TOP1: variants seen among roughly 807,000 people sequenced by gnomAD.
TOP1 encodes DNA topoisomerase I.
Under a neutral mutation model 111.1 loss-of-function variants are expected in TOP1, and 10 were observed. The ratio of observed to expected loss-of-function variants is 0.09; its 90% confidence interval spans 0.06 to 0.15. The LOEUF (loss-of-function observed/expected upper bound fraction) is 0.15, where lower values mean the gene tolerates loss of function less well. Ranked by LOEUF, TOP1 falls within the 10% of genes least tolerant of loss-of-function variation. The pLI, the probability that TOP1 is intolerant of heterozygous loss-of-function variation, is 1.00. For synonymous variants in TOP1, 271 were observed against 302.9 expected, an observed-to-expected ratio of 0.89 and a Z score of 1.10; for missense variants, 474 against 926.7, an observed-to-expected ratio of 0.51 and a Z score of 6.34.
At position 41,079,509 on chromosome 20, in the gene TOP1, A is replaced by C. The variant is rs1433640795; in HGVS notation, c.336-576A>C. 6.6e-6 allele frequency among the ~76,000 whole-genome samples: 1 copy of C among 152,236 alleles called. No individual in the cohort carries two copies. The highest frequency in any genetic ancestry group is 1.9e-4 in the East Asian group (1 of 5,202). On this transcript the variant is annotated intron_variant, in intron 5 of 20. Coordinates refer to ENST00000361337, the MANE Select transcript of TOP1 (RefSeq NM_003286.4). The surrounding 1 kb of genome is among the most constrained non-coding windows in gnomAD (Gnocchi z 4.0). ...ACGTTGAACAATGAATAGATTTGGC[A>C]TAGGATACCTTCTGTTTATTCTGGT...
chr20:41,049,463 C>T (rs1406198260), intron 2 of TOP1, among the ~76,000 whole-genome samples: 1 of 152,206 alleles, frequency 6.6e-6, no homozygotes, highest in African/African-American at 2.4e-5. Context: ...TCATTTAATT[C>T]AGTTTGACCC....
intron 8 of TOP1, among the ~76,000 whole-genome samples, chr20:41,086,049 G>A (rs1488168874): frequency 6.6e-6 from 1 of 152,138 alleles, no homozygotes; most frequent in Non-Finnish European, 1.5e-5. Flanking sequence ...GATCACCTGA[G>A]GTCAGGAGTT....
chr20:41,116,197 C>G lies in TOP1; in HGVS notation c.1708-81C>G. 1.2e-6 allele frequency: 1 copy of G among 853,408 alleles called. No individual in the cohort carries two copies. Among genetic ancestry groups the G allele is most frequent in the East Asian group, 2.5e-5 (1 of 39,458 alleles). The allele number at this position is 853,408 out of a possible 1,614,324, so 52.9% of individuals were successfully genotyped here. A position where few individuals can be genotyped will look rare whatever the true frequency, so the allele number is the denominator to read the frequency against. On this transcript the variant is annotated intron_variant, in intron 16 of 20. Coordinates refer to ENST00000361337, the MANE Select transcript of TOP1 (RefSeq NM_003286.4). This position sits in a 1 kb window ranked among gnomAD's most constrained non-coding sequence, Gnocchi z 5.6. ...TAAACTTGACAAGATTGTGACTGCA[C>G]TGGCATAAATTACTCCTAGGGCTGC...
At chr20:41,051,176 G>A (rs1416218659) in intron 2 of TOP1, among the ~76,000 whole-genome samples, 2 of 152,162 alleles carry the variant, frequency 1.3e-5, no homozygotes, top group Admixed American at 1.3e-4. Context: ...GGTTTTGATT[G>A]TGTAACTATG....
intron 13 of TOP1, among the ~76,000 whole-genome samples, chr20:41,105,736 C>G (rs1016378220): frequency 3.3e-5 from 5 of 152,160 alleles, no homozygotes; most frequent in Non-Finnish European, 5.9e-5. Flanking sequence ...CTCAAGTGAT[C>G]TGCTCACCTC....
Position 41,116,402 on chromosome 20 carries a change from G to C in TOP1, c.1822+10G>C, listed in dbSNP as rs138731688. The stretch of plus-strand genomic sequence containing the variant: ...AAAGAACTGACAGCCCGTAAGTATT[G>C]CTTGGCCAGATAGGGCCCACACCCC... On this transcript the variant is annotated intron_variant, in intron 17 of 20. Coordinates refer to ENST00000361337, the MANE Select transcript of TOP1 (RefSeq NM_003286.4). This position sits in a 1 kb window ranked among gnomAD's most constrained non-coding sequence, Gnocchi z 5.6. 108 of 1,610,528 alleles carry C rather than the reference G, an allele frequency of 6.7e-5. No homozygotes were observed. In the East Asian group the frequency reaches 8.2e-4, roughly 12 times the overall value.
intron 2 of TOP1, among the ~76,000 whole-genome samples, chr20:41,052,698 GA>G (rs911794861): frequency 4.0e-5 from 6 of 150,758 alleles, no homozygotes; most frequent in East Asian, 1.9e-4. Context: ...TTTTTTAAAA[GA>G]AAAAAAAAGG....
At chr20:41,036,832 C>CTTT (rs56013409) in intron 2 of TOP1, among the ~76,000 whole-genome samples, 46,861 of 128,028 alleles carry the variant, frequency 0.37, 9,712 homozygotes, top group Non-Finnish European at 0.41. Flanking sequence ...TCCTACTTTT[C>CTTT]TTTTTTTTTT....
At chr20:41,096,494 C>T (rs984743770) in intron 9 of TOP1, among the ~76,000 whole-genome samples, 3 of 152,164 alleles carry the variant, frequency 2.0e-5, no homozygotes, top group African/African-American at 4.8e-5. Flanking sequence ...AGCAGTGTGT[C>T]GCAAACTCTA....
chr20:41,105,697 C>T (rs185150090), intron 13 of TOP1, among the ~76,000 whole-genome samples: 1 of 152,090 alleles, frequency 6.6e-6, no homozygotes, highest in Non-Finnish European at 1.5e-5. Flanking sequence ...GGGATTTCAC[C>T]ATGTTGGCCA....
chr20:41,089,038 T>C, intron 8 of TOP1, among the ~76,000 whole-genome samples: 1 of 140,450 alleles, frequency 7.1e-6, no homozygotes, highest in South Asian at 2.4e-4. Context: ...TTTTTTTTTT[T>C]TTTTGAGACA....
At chr20:41,076,660 T>C (rs1191839758) in intron 4 of TOP1, among the ~76,000 whole-genome samples, 3 of 152,246 alleles carry the variant, frequency 2.0e-5, no homozygotes, top group Admixed American at 1.3e-4. Context: ...TTGTGGCATT[T>C]GGTTCCAGCA....
At chr20:41,060,238 A>G (rs2033527879) in intron 2 of TOP1, among the ~76,000 whole-genome samples, 1 of 152,244 alleles carries the variant, frequency 6.6e-6, no homozygotes, top group South Asian at 2.1e-4. Flanking sequence ...AATAATAACC[A>G]ATGCCTGGAA....
At chr20:41,076,951 T>C (rs1024994868) in intron 4 of TOP1, among the ~76,000 whole-genome samples, 4 of 152,156 alleles carry the variant, frequency 2.6e-5, no homozygotes, top group African/African-American at 9.7e-5. Flanking sequence ...GTGTATCCCT[T>C]TGTGTGTATA....
rs2034216199 is a variant in TOP1 at position 41,110,360 on chromosome 20, G to C, written c.1309-2422G>C. On this transcript the variant is annotated intron_variant, in intron 13 of 20. Coordinates refer to ENST00000361337, the MANE Select transcript of TOP1 (RefSeq NM_003286.4). The surrounding 1 kb of genome is among the most constrained non-coding windows in gnomAD (Gnocchi z 4.2). ...ATTCTATTTATATAATCTAGACTAG[G>C]CAAAATTTATCCATGATGATAGTAA... Among the ~76,000 whole-genome samples the C allele has an allele frequency of 1.3e-5, 2 of 152,184 alleles. No individual in the cohort carries two copies. The highest frequency in any genetic ancestry group is 3.2e-3 in the Middle Eastern group (1 of 316).
In TOP1 at chr20:41,029,520, C is replaced by A. The variant is rs1466857594; in HGVS notation, c.58+65C>A. On this transcript the variant is annotated intron_variant, in intron 2 of 20. Transcript: ENST00000361337. This position sits in a 1 kb window ranked among gnomAD's most constrained non-coding sequence, Gnocchi z 6.1. ...CGCCGGCCGCCTCCCCCGCGCCCTG[C>A]CGGTGCCGGGCAGAGGACAGACATG... 1 of 1,346,028 alleles carries A rather than the reference C, an allele frequency of 7.4e-7. No homozygotes were observed. The highest frequency in any genetic ancestry group is 1.0e-6 in the Non-Finnish European group (1 of 964,486). The allele number at this position is 1,346,028 out of a possible 1,614,324, so 83.4% of individuals were successfully genotyped here.
chr20:41,103,616 T>C (rs1401161430), intron 13 of TOP1, among the ~76,000 whole-genome samples: 1 of 151,874 alleles, frequency 6.6e-6, no homozygotes, highest in African/African-American at 2.4e-5. Context: ...AGGGATGGCC[T>C]TTCTGAAGAG....
chr20:41,123,363 G>A lies in TOP1; in HGVS notation c.*66G>A, dbSNP rs2034450325. ...GGTTTGGGAAAGATGGATAAACTGA[G>A]CCTCACTTGCCCTCGTGCCTGGGGG... On this transcript the variant is annotated 3_prime_UTR_variant, in exon 21 of 21. Coordinates refer to ENST00000361337, the MANE Select transcript of TOP1 (RefSeq NM_003286.4). This position sits in a 1 kb window ranked among gnomAD's most constrained non-coding sequence, Gnocchi z 5.8. 1.7e-6 allele frequency: 2 copies of A among 1,205,694 alleles called. No individual in the cohort carries two copies. Among genetic ancestry groups the A allele is most frequent in the East Asian group, 4.8e-5 (2 of 41,986 alleles). 74.7% of individuals were successfully genotyped at this position (1,205,694 alleles called of 1,614,324 possible).
chr20:41,040,689 C>T (rs2033251849), intron 2 of TOP1, among the ~76,000 whole-genome samples: 1 of 151,302 alleles, frequency 6.6e-6, no homozygotes, highest in Non-Finnish European at 1.5e-5. Context: ...GCCTGTAGTC[C>T]TAGATACTCA....
Sources: allele counts gnomAD v4.1 joint callset (sites outside exome capture counted in the v4.1 genomes callset), GRCh38; gene constraint gnomAD v4.1.1; non-coding constraint Gnocchi (gnomAD v3.1); transcripts MANE v1.5; gene names NCBI Gene and HGNC (gene_info 2026-07-23, HGNC 2026-07-21).